ATG4D: variants seen among roughly 807,000 people sequenced by gnomAD.
The protein encoded by ATG4D is autophagy related 4D cysteine peptidase, also known as cysteine protease ATG4D.
In ATG4D, 51 loss-of-function variants were observed where a neutral mutation model predicts 55.2. The ratio of observed to expected loss-of-function variants is 0.92; its 90% CI spans 0.74 to 1.17. The LOEUF (loss-of-function observed/expected upper bound fraction) is 1.17, where lower values mean the gene tolerates loss of function less well. Among genes scored for constraint, ATG4D ranks in the 50% most tolerant of loss-of-function variants. The pLI is 0.00. For synonymous variants in ATG4D, 268 were observed against 266.2 expected (o/e 1.01, Z -0.07); for missense variants, 635 against 649.6 (o/e 0.98, Z 0.25).
At position 10,551,877 on chromosome 19, in the gene ATG4D, G is replaced by T; in HGVS notation, c.967-20G>T. On this transcript the variant is annotated intron_variant, in intron 6 of 9. Transcript: ENST00000309469. ...GTTGAGTGGCTGCCTGACAGCACCT[G>T]CCTACCCTCCTCCCTGCAGGAACTC... The T allele has an allele frequency of 6.2e-7, 1 of 1,613,262 alleles. No homozygotes were observed. Among genetic ancestry groups the T allele is most frequent in the South Asian group, 1.1e-5 (1 of 90,918 alleles).
chr19:10,545,353 C>A (rs1050059400), intron 3 of ATG4D, among the ~76,000 whole-genome samples: 1 of 147,728 alleles, frequency 6.8e-6, no homozygotes, highest in Non-Finnish European at 1.5e-5. Context: ...GGATGGATCC[C>A]TTGCGGTCAG....
chr19:10,548,467 G>T (rs1916120985), intron 5 of ATG4D, among the ~76,000 whole-genome samples: 2 of 152,128 alleles, frequency 1.3e-5, no homozygotes, highest in African/African-American at 4.8e-5. Context: ...CAAGGCAGGG[G>T]GCAGGAGAAT....
Position 10,544,118 on chromosome 19 carries a change from C to T in ATG4D, c.28C>T (p.Gln10Ter). ...GAACTCAGTGTCGCCGGCCGCCGCG[C>T]AGTACCGGAGCAGCAGCCCGGAGGA... MNSVSPAAAQYRSSSPEDAR... is the reference protein window; with the variant it reads MNSVSPAAA The change falls in exon 1 of 10, where the codon CAG becomes TAG. Residue 10 changes from glutamine to a stop codon, truncating the protein, a stop_gained. Transcript: ENST00000309469. LOFTEE classifies it high-confidence loss of function. The T allele has an allele frequency of 8.0e-7, 1 of 1,242,742 alleles. No individual in the cohort carries two copies. The highest frequency in any genetic ancestry group is 3.2e-5 in the East Asian group (1 of 31,476). The allele number at this position is 1,242,742 out of a possible 1,614,324, so 77.0% of individuals were successfully genotyped here.
Position 10,553,249 on chromosome 19 carries a change from C to T in ATG4D, c.*182C>T. The T allele has an allele frequency of 2.6e-6, 2 of 768,768 alleles. No individual in the cohort carries two copies. Among genetic ancestry groups the T allele is most frequent in the Non-Finnish European group, 3.9e-6 (2 of 511,732 alleles). 47.6% of individuals were successfully genotyped at this position (768,768 alleles called of 1,614,324 possible). On this transcript the variant is annotated 3_prime_UTR_variant, in exon 10 of 10. Coordinates refer to ENST00000309469, the MANE Select transcript of ATG4D (RefSeq NM_032885.6). ...GAGCCCACAGAGCCCATACACCTGTCTCCCACCAGCGGGGCCCTCCTGGCA... is the reference window on the plus strand; with the variant it reads ...GAGCCCACAGAGCCCATACACCTGTTTCCCACCAGCGGGGCCCTCCTGGCA...
In ATG4D at chr19:10,552,211, C is replaced by T. The variant is rs750709640; in HGVS notation, c.1129C>T (p.His377Tyr). ...SQADFPLESF[H>Y]CTSPRKMAFA... The stretch of plus-strand genomic sequence containing the variant: ...CCTCGTCTGTCTGCCCCAGTCCTTC[C>T]ACTGCACCTCGCCCCGCAAGATGGC... Residue 377 changes from histidine to tyrosine, a missense_variant, in exon 9 of 10, where the codon CAC becomes TAC. By Grantham distance (83) the His-to-Tyr change is moderately conservative. Transcript: ENST00000309469. 1.2e-6 allele frequency: 2 copies of T among 1,612,726 alleles called. No individual in the cohort carries two copies.
chr19:10,550,180 G>T (rs1198748625), intron 6 of ATG4D, among the ~76,000 whole-genome samples: 1 of 151,982 alleles, frequency 6.6e-6, no homozygotes, highest in Non-Finnish European at 1.5e-5. Flanking sequence ...GCTAATTTTT[G>T]TATTTTTAGC....
rs1450396203 is a variant in ATG4D, at chr19:10,553,186, C to T, written c.*119C>T. ...ACTTCCTGTTGTCAGCCCCTCAAGC[C>T]CAGCTGCAACCAGTCTGGGGCCATT... On this transcript the variant is annotated 3_prime_UTR_variant, in exon 10 of 10. Transcript: ENST00000309469. 1.6e-6 allele frequency: 2 copies of T among 1,239,222 alleles called. No homozygotes were observed. The highest frequency in any genetic ancestry group is 2.2e-6 in the Non-Finnish European group (2 of 913,568). 76.8% of individuals were successfully genotyped at this position (1,239,222 alleles called of 1,614,324 possible). A position where few individuals can be genotyped will look rare whatever the true frequency, so the allele number is the denominator to read the frequency against.
At position 10,553,131 on chromosome 19, in the gene ATG4D, G is replaced by C; in HGVS notation, c.*64G>C. 6.7e-7 allele frequency: 1 copy of C among 1,486,874 alleles called. No individual in the cohort carries two copies. The highest frequency in any genetic ancestry group is 8.9e-7 in the Non-Finnish European group (1 of 1,117,938). 92.1% of individuals were successfully genotyped at this position (1,486,874 alleles called of 1,614,324 possible). A position where few individuals can be genotyped will look rare whatever the true frequency, so the allele number is the denominator to read the frequency against. On this transcript the variant is annotated 3_prime_UTR_variant, in exon 10 of 10. Transcript: ENST00000309469. ...TTTTTATTTATGTCATGTCGGGTGT[G>C]GGATCTTGAGCTCTGGCAGTGATGA...
chr19:10,544,501 TC>T (rs1048259024), intron 1 of ATG4D, among the ~76,000 whole-genome samples, 176 bp downstream of exon 1: 67 of 152,216 alleles, frequency 4.4e-4, no homozygotes, highest in African/African-American at 1.3e-3. Flanking sequence ...CCCCGCCCAT[TC>T]CCCTGTGTGA....
At chr19:10,550,409 A>G (rs1033973141) in intron 6 of ATG4D, among the ~76,000 whole-genome samples, 11 of 152,194 alleles carry the variant, frequency 7.2e-5, no homozygotes, top group African/African-American at 2.7e-4. Context: ...ATGAGGAGCC[A>G]GAGGAGAAGT....
At chr19:10,544,691 A>T (rs767894793) in intron 1 of ATG4D, 92 bp from the exon 2 acceptor site, 1 of 1,581,030 alleles carries the variant, frequency 6.3e-7, no homozygotes, top group South Asian at 1.2e-5. Context: ...AGGAACTAGG[A>T]TCGTGCCCAT....
chr19:10,544,364 C>A, intron 1 of ATG4D, 39 bp downstream of exon 1: 1 of 1,289,786 alleles, frequency 7.8e-7, no homozygotes, highest in Non-Finnish European at 9.9e-7. Context: ...GTGTCGGGGG[C>A]CGTTGAGGAA....
At chr19:10,552,790 G>T (rs1791868812) in intron 9 of ATG4D, 95 bp from the exon 10 acceptor site, 1 of 1,316,300 alleles carries the variant, frequency 7.6e-7, no homozygotes, top group Non-Finnish European at 1.0e-6. Context: ...CTCTCCTGGA[G>T]AGGTGGTCCT....
chr19:10,553,267 TCCTGG>T lies in ATG4D; in HGVS notation c.*202_*206del, dbSNP rs754118073. 8 of 665,026 alleles carry T rather than the reference TCCTGG, an allele frequency of 1.2e-5. No individual in the cohort carries two copies. Among genetic ancestry groups the T allele is most frequent in the African/African-American group, 1.8e-5 (1 of 55,276 alleles). 41.2% of individuals were successfully genotyped at this position (665,026 alleles called of 1,614,324 possible). A position where few individuals can be genotyped will look rare whatever the true frequency, so the allele number is the denominator to read the frequency against. Reference sequence around the variant, plus strand: ...CACCTGTCTCCCACCAGCGGGGCCCTCCTGGCAGGGTAGGGAAGGAGGACCCCGGG... The same window carrying T: ...CACCTGTCTCCCACCAGCGGGGCCCTCAGGGTAGGGAAGGAGGACCCCGGG... On this transcript the variant is annotated 3_prime_UTR_variant, in exon 10 of 10. Coordinates refer to ENST00000309469, the MANE Select transcript of ATG4D (RefSeq NM_032885.6).
chr19:10,549,243 C>A (rs1916146438), intron 6 of ATG4D, among the ~76,000 whole-genome samples: 2 of 151,498 alleles, frequency 1.3e-5, no homozygotes, highest in South Asian at 4.2e-4. Context: ...CTTGCCTCAG[C>A]CTCCCAAGTA....
chr19:10,552,018 C>G lies in ATG4D; in HGVS notation c.1046-27C>G, dbSNP rs368082674. 142 of 1,610,972 alleles carry G rather than the reference C, an allele frequency of 8.8e-5. 1 individual carries two copies. The African/African-American group carries it at 1.8e-3, about 21-fold the overall frequency. On this transcript the variant is annotated intron_variant, in intron 7 of 9. Coordinates refer to ENST00000309469, the MANE Select transcript of ATG4D (RefSeq NM_032885.6). Reference sequence around the variant, plus strand: ...TCACTCCTCCCACCCCCCACCGCACCCCCACTCACACCTGCACCCCCTGCA... The same window carrying G: ...TCACTCCTCCCACCCCCCACCGCACGCCCACTCACACCTGCACCCCCTGCA...
intron 5 of ATG4D, among the ~76,000 whole-genome samples, chr19:10,548,568 C>G (rs1248042426): frequency 1.3e-5 from 2 of 152,096 alleles, no homozygotes; most frequent in Non-Finnish European, 2.9e-5. Flanking sequence ...TCTGTATTGG[C>G]AAACCGAGGC....
intron 5 of ATG4D, among the ~76,000 whole-genome samples, chr19:10,547,837 CA>C (rs964878931): frequency 6.7e-6 from 1 of 149,464 alleles, no homozygotes; most frequent in Admixed American, 6.8e-5. Flanking sequence ...GCTGGGATTA[CA>C]GGCACGCACC....
At chr19:10,550,039 A>T (rs1189847110) in intron 6 of ATG4D, among the ~76,000 whole-genome samples, 2 of 150,928 alleles carry the variant, frequency 1.3e-5, no homozygotes, top group African/African-American at 4.9e-5. Flanking sequence ...TTCGAGTCTC[A>T]CTCTCTTGCC....
Sources: allele counts gnomAD v4.1 joint callset (sites outside exome capture counted in the v4.1 genomes callset), GRCh38; gene constraint gnomAD v4.1.1; transcripts MANE v1.5; gene names NCBI Gene and HGNC (gene_info 2026-07-23, HGNC 2026-07-21).